Variants in FAM221A observed in about 807,000 individuals in gnomAD.
The protein encoded by FAM221A is family with sequence similarity 221 member A.
In FAM221A, 43 loss-of-function variants were observed where a neutral mutation model predicts 37.6. The ratio of observed to expected loss-of-function variants is 1.15; its 90% CI spans 0.90 to 1.48. FAM221A has a LOEUF of 1.48. FAM221A is among the 40% of genes most tolerant of loss of function. FAM221A has a pLI of 0.00. For synonymous variants in FAM221A, 135 were observed against 132.9 expected (o/e 1.02, Z -0.11); for missense variants, 361 against 361.5 (o/e 1.00, Z 0.01).
chr7:23,683,501 G>T (rs1412797651), intron 1 of FAM221A, among the ~76,000 whole-genome samples: 4 of 152,206 alleles, frequency 2.6e-5, no homozygotes, highest in Non-Finnish European at 5.9e-5. Flanking sequence ...CATTTTCAAA[G>T]GAGGTAAATG....
chr7:23,691,350 G>T, intron 3 of FAM221A, 40 bp from the exon 4 acceptor site: 1 of 1,596,630 alleles, frequency 6.3e-7, no homozygotes, highest in Non-Finnish European at 8.6e-7. Context: ...AGACAACATA[G>T]TACCTTTAAG....
chr7:23,684,641 G>C lies in FAM221A; in HGVS notation c.208G>C (p.Gly70Arg). ...SPTGMDCKLV[G>R]PETLCFCTHR... ...AACAGGGATGGATTGTAAACTTGTGGGCCCAGAGACACTGTGTTTTTGTAC... is the reference window on the plus strand; with the variant it reads ...AACAGGGATGGATTGTAAACTTGTGCGCCCAGAGACACTGTGTTTTTGTAC... The change falls in exon 2 of 7, where the codon GGC (glycine) becomes CGC (arginine). Residue 70 changes from glycine to arginine, a missense_variant. Gly to Arg is a moderately radical substitution (Grantham distance 125, BLOSUM62 -2). Coordinates refer to ENST00000344962, the MANE Select transcript of FAM221A (RefSeq NM_199136.5). The C allele has an allele frequency of 6.2e-7, 1 of 1,613,454 alleles. No homozygotes were observed. The highest frequency in any genetic ancestry group is 8.5e-7 in the Non-Finnish European group (1 of 1,179,856).
intron 1 of FAM221A, among the ~76,000 whole-genome samples, chr7:23,682,544 C>T (rs1459169823): frequency 6.6e-6 from 1 of 151,446 alleles, no homozygotes; most frequent in Non-Finnish European, 1.5e-5. Flanking sequence ...TTCTCAGTGC[C>T]TCAGTTTCCA....
In FAM221A at chr7:23,702,471, A is replaced by C. The variant is rs1785517656; in HGVS notation, c.*307A>C. ...ATTTAACTGTTTCAGGTATTTAAAA[A>C]ATTAAAGATATTATCAAGGGTTTTG... is the stretch of plus-strand genomic sequence containing the variant. On this transcript the variant is annotated 3_prime_UTR_variant, in exon 7 of 7. Transcript: ENST00000344962. The C allele has an allele frequency of 5.7e-6, 1 of 174,282 alleles. No individual in the cohort carries two copies. The highest frequency in any genetic ancestry group is 2.0e-4 in the South Asian group (1 of 5,028). 10.8% of individuals were successfully genotyped at this position (174,282 alleles called of 1,614,324 possible).
At chr7:23,684,402 A>T in intron 1 of FAM221A, 97 bp from the exon 2 acceptor site, 1 of 682,224 alleles carries the variant, frequency 1.5e-6, no homozygotes, top group South Asian at 2.3e-5. Context: ...ACAAAATAAA[A>T]GCTTACAAAT....
chr7:23,698,128 A>T (rs1785179226), intron 4 of FAM221A, 64 bp from the exon 5 acceptor site: 1 of 861,760 alleles, frequency 1.2e-6, no homozygotes, highest in African/African-American at 1.7e-5. Flanking sequence ...TTACATTAGA[A>T]GTAATAACTT....
chr7:23,684,394 A>AGGCCTGCCACATCTGT, intron 1 of FAM221A, 105 bp from the exon 2 acceptor site: 30 of 650,204 alleles, frequency 4.6e-5, no homozygotes, highest in Non-Finnish European at 6.3e-5. Context: ...ACAGATTTAC[A>AGGCCTGCCACATCTGT]AAATAAAAGC....
intron 4 of FAM221A, among the ~76,000 whole-genome samples, chr7:23,696,974 G>T (rs1330420606): frequency 6.6e-6 from 1 of 152,150 alleles, no homozygotes; most frequent in Non-Finnish European, 1.5e-5. Context: ...TCATAGCAGG[G>T]GGCAGAGCTG....
intron 1 of FAM221A, among the ~76,000 whole-genome samples, chr7:23,681,131 C>T (rs182317256): frequency 8.3e-4 from 126 of 152,278 alleles, no homozygotes; most frequent in African/African-American, 3.0e-3. Context: ...TTAGAACTGC[C>T]TGGATATTCT....
chr7:23,687,076 T>G (rs1383182628), intron 2 of FAM221A: 2 of 152,214 alleles, frequency 1.3e-5, no homozygotes, highest in African/African-American at 4.8e-5. Context: ...TGAGCCACTG[T>G]GCCATTTAAC....
In FAM221A at chr7:23,701,236, C is replaced by CTTTTTT. The variant is rs1283939718; in HGVS notation, c.828+369_828+370insTTTTTT. Among the ~76,000 whole-genome samples, 9 of 72,742 alleles carry CTTTTTT rather than the reference C, an allele frequency of 1.2e-4. 1 individual carries two copies. The highest frequency in any genetic ancestry group is 1.5e-4 in the Admixed American group (1 of 6,556). 47.7% of individuals were successfully genotyped at this position (72,742 alleles called of 152,430 possible). A position where few individuals can be genotyped will look rare whatever the true frequency, so the allele number is the denominator to read the frequency against. On this transcript the variant is annotated intron_variant, in intron 6 of 6. Coordinates refer to ENST00000344962, the MANE Select transcript of FAM221A (RefSeq NM_199136.5). The stretch of plus-strand genomic sequence containing the variant: ...ATAAAGATTGAATATATTTTGAATT[C>CTTTTTT]TCTTTTTTTTTTTTTTTTTTTGAGA...
chr7:23,690,220 G>A (rs1371237146), intron 3 of FAM221A, among the ~76,000 whole-genome samples: 2 of 63,104 alleles, frequency 3.2e-5, no homozygotes, highest in African/African-American at 1.1e-4. Context: ...TTTTAATAGA[G>A]TTTTGCTCTT....
chr7:23,685,073 C>A (rs1019460385), intron 2 of FAM221A, among the ~76,000 whole-genome samples: 1 of 152,148 alleles, frequency 6.6e-6, no homozygotes, highest in Non-Finnish European at 1.5e-5. Context: ...CATAGTGAAA[C>A]CCTGTCTCTA....
At chr7:23,695,145 TTTTATA>T (rs1371344307) in intron 4 of FAM221A, among the ~76,000 whole-genome samples, 1 of 152,052 alleles carries the variant, frequency 6.6e-6, no homozygotes, top group Non-Finnish European at 1.5e-5. Context: ...ATATTTTACA[TTTTATA>T]TTTTTTTTAG....
chr7:23,690,634 CA>C (rs960335780), intron 3 of FAM221A, among the ~76,000 whole-genome samples: 65 of 152,276 alleles, frequency 4.3e-4, no homozygotes, highest in African/African-American at 1.5e-3. Flanking sequence ...ACATGTCATA[CA>C]ATTAACCTAT....
intron 5 of FAM221A, among the ~76,000 whole-genome samples, chr7:23,699,114 A>ATT (rs1562529465): frequency 7.6e-5 from 11 of 144,746 alleles, no homozygotes; most frequent in African/African-American, 2.9e-4. Context: ...CCAATGCTGG[A>ATT]ATTTTTTTTT....
At chr7:23,687,557 C>G (rs1204149146) in intron 2 of FAM221A, 4 of 150,920 alleles carry the variant, frequency 2.7e-5, no homozygotes, top group Non-Finnish European at 4.4e-5. Context: ...GTATATTTTC[C>G]AAAAATGAAA....
intron 6 of FAM221A, among the ~76,000 whole-genome samples, chr7:23,701,719 A>G (rs1427956876): frequency 2.0e-5 from 3 of 152,230 alleles, no homozygotes; most frequent in African/African-American, 7.2e-5. Flanking sequence ...CCAGAATTAT[A>G]GAAAACTATC....
chr7:23,682,070 A>T (rs1784073177), intron 1 of FAM221A, among the ~76,000 whole-genome samples: 1 of 151,468 alleles, frequency 6.6e-6, no homozygotes, highest in Non-Finnish European at 1.5e-5. Context: ...CTGCAGACCT[A>T]TTATTATTAT....
Sources: allele counts gnomAD v4.1 joint callset (sites outside exome capture counted in the v4.1 genomes callset), GRCh38; gene constraint gnomAD v4.1.1; transcripts MANE v1.5; gene names NCBI Gene and HGNC (gene_info 2026-07-23, HGNC 2026-07-21).